The following STAC variants were observed in gnomAD, a reference collection of about 807,000 sequenced individuals.
The protein encoded by STAC is SH3 and cysteine-rich domain-containing protein.
A neutral mutation model predicts 48.8 loss-of-function variants in STAC; 43 were observed. That is an observed-to-expected ratio of 0.88 (90% CI 0.69 to 1.14). The LOEUF is 1.14. Among genes scored for constraint, STAC ranks in the 50% most tolerant of loss-of-function variants. The pLI is 0.00. For synonymous variants in STAC, 193 were observed against 179.5 expected (o/e 1.07, Z -0.60); for missense variants, 497 against 504.0 (o/e 0.99, Z 0.13).
intron 8 of STAC, among the ~76,000 whole-genome samples, chr3:36,521,086 A>G (rs1023677522): frequency 6.6e-6 from 1 of 152,012 alleles, no homozygotes; most frequent in Admixed American, 6.6e-5. Flanking sequence ...TCTAAGATTA[A>G]TGGAGCCATT....
chr3:36,432,776 C>T (rs145616900), intron 1 of STAC, among the ~76,000 whole-genome samples: 3 of 152,046 alleles, frequency 2.0e-5, no homozygotes, highest in African/African-American at 7.2e-5. Context: ...AGGCATCTTT[C>T]GGACCCATTT....
Position 36,443,318 on chromosome 3 carries a change from T to C in STAC, c.112-46T>C, listed in dbSNP as rs1696409885. Reference sequence around the variant, plus strand: ...CCTTACCCCCACAGCCTAGGTCTGCTTGATCCATTGATCGTAAGAGAGACT... The same window carrying C: ...CCTTACCCCCACAGCCTAGGTCTGCCTGATCCATTGATCGTAAGAGAGACT... On this transcript the variant is annotated intron_variant, in intron 1 of 10. Coordinates refer to ENST00000273183, the MANE Select transcript of STAC (RefSeq NM_003149.3). This position sits in a 1 kb window ranked among gnomAD's most constrained non-coding sequence, Gnocchi z 4.2. The C allele has an allele frequency of 6.2e-7, 1 of 1,608,986 alleles. No individual in the cohort carries two copies. Among genetic ancestry groups the C allele is most frequent in the Non-Finnish European group, 8.5e-7 (1 of 1,177,718 alleles).
At chr3:36,503,588 C>T (rs1304936475) in intron 6 of STAC, among the ~76,000 whole-genome samples, 1 of 152,114 alleles carries the variant, frequency 6.6e-6, no homozygotes. Flanking sequence ...CACATGCCAC[C>T]ATGCTCAGCT....
chr3:36,412,963 G>A (rs112792418), intron 1 of STAC, among the ~76,000 whole-genome samples: 2 of 152,298 alleles, frequency 1.3e-5, no homozygotes, highest in African/African-American at 4.8e-5. Flanking sequence ...AGGTTGTTCA[G>A]TTTCCATGTA....
chr3:36,528,737 A>G lies in STAC; in HGVS notation c.962A>G (p.Asp321Gly), dbSNP rs989685871. 2 of 1,606,774 alleles carry G rather than the reference A, an allele frequency of 1.2e-6. No homozygotes were observed. The highest frequency in any genetic ancestry group is 2.7e-5 in the African/African-American group (2 of 74,456). ...ACTCTTTTAGAGGATTCCAATGAAG[A>G]CTGGTGGAAAGTAAGTGTTCCTCTT... ...IITLLEDSNE[D>G]WWKGKIQDRI... The change falls in exon 9 of 11, where the codon GAC (aspartate) becomes GGC (glycine). Residue 321 changes from aspartate (D) to glycine (G), a missense_variant. Physicochemically the swap from Asp to Gly is moderately conservative, Grantham distance 94. Coordinates refer to ENST00000273183, the MANE Select transcript of STAC (RefSeq NM_003149.3).
chr3:36,482,662 C>T (rs567764825), intron 2 of STAC, among the ~76,000 whole-genome samples: 1 of 152,050 alleles, frequency 6.6e-6, no homozygotes, highest in Non-Finnish European at 1.5e-5. Flanking sequence ...CTCAGTAAGA[C>T]ACAGAAAAGT....
intron 10 of STAC, among the ~76,000 whole-genome samples, chr3:36,545,694 A>C (rs1351282387): frequency 1.3e-5 from 2 of 152,222 alleles, no homozygotes; most frequent in African/African-American, 4.8e-5. Context: ...GGGAAATGTT[A>C]GCATCTATTT....
chr3:36,386,665 T>C (rs1159871124), intron 1 of STAC, among the ~76,000 whole-genome samples: 4 of 152,084 alleles, frequency 2.6e-5, no homozygotes, highest in African/African-American at 9.7e-5. Flanking sequence ...ATTTTGACTA[T>C]GCCACTTTTG....
At chr3:36,419,000 T>A (rs1320072620) in intron 1 of STAC, among the ~76,000 whole-genome samples, 1 of 145,708 alleles carries the variant, frequency 6.9e-6, no homozygotes, top group Non-Finnish European at 1.5e-5. Flanking sequence ...TGAGCCGAGA[T>A]CGCGCCATTG....
intron 2 of STAC, among the ~76,000 whole-genome samples, chr3:36,476,238 T>C (rs1002385767): frequency 1.3e-5 from 2 of 152,216 alleles, no homozygotes; most frequent in African/African-American, 2.4e-5. Flanking sequence ...CACCATTTCA[T>C]GTCAAGTCCC....
chr3:36,474,277 G>A (rs1697430955), intron 2 of STAC, among the ~76,000 whole-genome samples: 1 of 152,308 alleles, frequency 6.6e-6, no homozygotes, highest in South Asian at 2.1e-4. Flanking sequence ...TCCAAAGAGG[G>A]TATTGGGCCA....
chr3:36,398,876 T>G (rs114608417), intron 1 of STAC, among the ~76,000 whole-genome samples: 1 of 152,118 alleles, frequency 6.6e-6, no homozygotes, highest in Admixed American at 6.5e-5. Context: ...TCACCTCTAG[T>G]TGAGGTCTCT....
chr3:36,489,346 G>A (rs899673792), intron 5 of STAC, among the ~76,000 whole-genome samples: 1 of 152,084 alleles, frequency 6.6e-6, no homozygotes, highest in Non-Finnish European at 1.5e-5. Flanking sequence ...AGAATCCTCC[G>A]GGATCCGCAC....
intron 10 of STAC, among the ~76,000 whole-genome samples, chr3:36,535,229 T>C (rs78608282): frequency 6.6e-6 from 1 of 152,188 alleles, no homozygotes; most frequent in African/African-American, 2.4e-5. Flanking sequence ...AGACTCTTTG[T>C]AGCGATTGTG....
In STAC at chr3:36,443,242, C is replaced by G; in HGVS notation, c.112-122C>G. 8.6e-7 allele frequency: 1 copy of G among 1,167,424 alleles called. No individual in the cohort carries two copies. The allele number at this position is 1,167,424 out of a possible 1,614,324, so 72.3% of individuals were successfully genotyped here. A position where few individuals can be genotyped will look rare whatever the true frequency, so the allele number is the denominator to read the frequency against. ...CCACCCACACAGGGACATTTATGAG[C>G]CTCCTCAAGACGGAGGGTGTCAGTG... On this transcript the variant is annotated intron_variant, in intron 1 of 10. Transcript: ENST00000273183. This position sits in a 1 kb window ranked among gnomAD's most constrained non-coding sequence, Gnocchi z 4.2.
chr3:36,392,204 C>G (rs1318925181), intron 1 of STAC, among the ~76,000 whole-genome samples: 5 of 152,214 alleles, frequency 3.3e-5, no homozygotes, highest in African/African-American at 1.2e-4. Flanking sequence ...TCTGCTAATC[C>G]AGCCCATCGT....
At chr3:36,530,266 G>C (rs1699031193) in intron 10 of STAC, among the ~76,000 whole-genome samples, 1 of 152,144 alleles carries the variant, frequency 6.6e-6, no homozygotes. Flanking sequence ...GGTAATGAAT[G>C]CCTGAAGTTG....
At chr3:36,530,392 T>C (rs1699033666) in intron 10 of STAC, among the ~76,000 whole-genome samples, 1 of 152,142 alleles carries the variant, frequency 6.6e-6, no homozygotes, top group Non-Finnish European at 1.5e-5. Context: ...TTTTTTAGGA[T>C]TGCCTCAAAG....
intron 2 of STAC, among the ~76,000 whole-genome samples, chr3:36,476,388 A>G (rs1697494234): frequency 6.6e-6 from 1 of 152,222 alleles, no homozygotes; most frequent in Non-Finnish European, 1.5e-5. Context: ...GGTGGTTCAT[A>G]GAAAGTAAGA....
Sources: gnomAD v4.1 joint callset for allele counts (sites outside exome capture counted in the v4.1 genomes callset) on GRCh38, gnomAD v4.1.1 for gene constraint, Gnocchi (gnomAD v3.1) non-coding constraint, MANE v1.5 for transcripts, NCBI Gene and HGNC (gene_info 2026-07-23, HGNC 2026-07-21) for gene names.